TLN2: variants seen among roughly 807,000 people sequenced by gnomAD.
TLN2 encodes talin-2.
A neutral mutation model predicts 294.7 loss-of-function variants in TLN2; 118 were observed. The ratio of observed to expected loss-of-function variants is 0.40; its 90% CI spans 0.34 to 0.47. The LOEUF is 0.47. Ranked by LOEUF, TLN2 falls within the 20% of genes least tolerant of loss-of-function variation. The probability of loss-of-function intolerance (pLI) is 0.84; values close to 1 mark genes in which losing one functional copy is unlikely to be tolerated. For synonymous variants in TLN2, 1,431 were observed against 1,304.5 expected (o/e 1.10, Z -2.09); for missense variants, 3,083 against 3,282.2 (o/e 0.94, Z 1.48).
At chr15:62,561,381 T>A (rs2042943511) in intron 1 of TLN2, 1 of 152,138 alleles carries the variant, frequency 6.6e-6, no homozygotes, top group Non-Finnish European at 1.5e-5. Context: ...TTCCTCAAGC[T>A]CCCTCCTTAA....
chr15:62,703,650 C>CACACACAGAG (rs34685862), intron 19 of TLN2, among the ~76,000 whole-genome samples: 16 of 149,918 alleles, frequency 1.1e-4, no homozygotes, highest in African/African-American at 3.4e-4. Context: ...CACACACACA[C>CACACACAGAG]AGAGAAAGAG....
rs1373021517 is a variant in TLN2 at position 62,719,221 on chromosome 15, C to G, written c.2878-546C>G. ...CACTGCCTCACAGAATGCCGTGCCT[C>G]TCTCCTTTCCCCTGGCTTTGGGCTT... On this transcript the variant is annotated intron_variant, in intron 24 of 58. Transcript: ENST00000636159. Among the ~76,000 whole-genome samples, 5 of 152,214 alleles carry G rather than the reference C, an allele frequency of 3.3e-5. 1 individual carries two copies. In the South Asian group the frequency reaches 8.3e-4, roughly 25 times the overall value.
chr15:62,830,364 G>C (rs1296161962), intron 54 of TLN2: 1 of 152,588 alleles, frequency 6.6e-6, no homozygotes, highest in Non-Finnish European at 1.5e-5. Context: ...GCACCATGTT[G>C]TTCTTCTTAG....
Position 62,526,903 on chromosome 15 carries a change from G to A in TLN2, c.-237-62784G>A, listed in dbSNP as rs191964954. ...GTGAAGTACTAGCATTCACAAAAGT[G>A]AGGTGTATGTTTTGATATTGTAGCA... is the stretch of plus-strand genomic sequence containing the variant. On this transcript the variant is annotated intron_variant, in intron 1 of 58. Transcript: ENST00000636159. 3.9e-5 allele frequency among the ~76,000 whole-genome samples: 6 copies of A among 152,308 alleles called. No homozygotes were observed. The East Asian group carries it at 1.2e-3, about 29-fold the overall frequency.
intron 28 of TLN2, among the ~76,000 whole-genome samples, chr15:62,727,566 G>A (rs1369441050): frequency 1.3e-5 from 2 of 152,208 alleles, no homozygotes; most frequent in African/African-American, 2.4e-5. Flanking sequence ...AGACAGATGC[G>A]TGCTAATAGG....
At chr15:62,526,660 G>A (rs1357596296) in intron 1 of TLN2, among the ~76,000 whole-genome samples, 5 of 152,192 alleles carry the variant, frequency 3.3e-5, no homozygotes, top group Non-Finnish European at 5.9e-5. Flanking sequence ...TCAAACAGAA[G>A]CAAACATTTT....
At chr15:62,518,203 T>G (rs2040278419) in intron 1 of TLN2, among the ~76,000 whole-genome samples, 1 of 152,160 alleles carries the variant, frequency 6.6e-6, no homozygotes. Context: ...CACGTCCCGC[T>G]AGTTTTTGTA....
At chr15:62,748,517 G>C (rs754685105) in intron 33 of TLN2, 73 bp downstream of exon 33, 27 of 1,196,794 alleles carry the variant, frequency 2.3e-5, no homozygotes, top group Non-Finnish European at 3.3e-5. Context: ...GTGTCTGTCT[G>C]TCTATGTCTG....
chr15:62,807,105 G>T (rs1050099056), intron 51 of TLN2, among the ~76,000 whole-genome samples: 1 of 152,108 alleles, frequency 6.6e-6, no homozygotes, highest in Non-Finnish European at 1.5e-5. Flanking sequence ...CACACAGGAC[G>T]CAGGGCTTGC....
At position 62,741,298 on chromosome 15, in the gene TLN2, T is replaced by G. The variant is rs1214876401; in HGVS notation, c.4025+529T>G. Among the ~76,000 whole-genome samples, 13 of 152,342 alleles carry G rather than the reference T, an allele frequency of 8.5e-5. No homozygotes were observed. The East Asian group carries it at 2.5e-3, about 29-fold the overall frequency. ...GAGTAGGGAGGCAGTGGGAATAAAT[T>G]GTTTTTGGAAATATATTAAAACATG... On this transcript the variant is annotated intron_variant, in intron 32 of 58. Coordinates refer to ENST00000636159, the MANE Select transcript of TLN2 (RefSeq NM_015059.3).
chr15:62,740,915 C>T, intron 32 of TLN2, 146 bp downstream of exon 32: 1 of 993,880 alleles, frequency 1.0e-6, no homozygotes, highest in Non-Finnish European at 1.5e-6. Context: ...GAGTGATGGA[C>T]ACTCTGATAT....
intron 48 of TLN2, among the ~76,000 whole-genome samples, chr15:62,799,701 T>C (rs1490270244): frequency 6.6e-6 from 1 of 152,174 alleles, no homozygotes; most frequent in Admixed American, 6.5e-5. Flanking sequence ...ATAAAATAAT[T>C]CCACCTACTG....
chr15:62,705,005 G>C (rs768531131), intron 19 of TLN2, among the ~76,000 whole-genome samples: 1 of 152,236 alleles, frequency 6.6e-6, no homozygotes, highest in Non-Finnish European at 1.5e-5. Flanking sequence ...TAAGGAGAAA[G>C]TCACAATTCT....
At chr15:62,596,075 A>C (rs1164124631) in intron 2 of TLN2, among the ~76,000 whole-genome samples, 2 of 152,022 alleles carry the variant, frequency 1.3e-5, no homozygotes, top group Non-Finnish European at 2.9e-5. Flanking sequence ...GGAGATCGAG[A>C]CCATGGTGAA....
Position 62,840,720 on chromosome 15 carries a change from G to C in TLN2, c.*110G>C, listed in dbSNP as rs771990117. 1.4e-6 allele frequency: 2 copies of C among 1,451,194 alleles called. No individual in the cohort carries two copies. The highest frequency in any genetic ancestry group is 1.4e-5 in the African/African-American group (1 of 70,342). 89.9% of individuals were successfully genotyped at this position (1,451,194 alleles called of 1,614,324 possible). A position where few individuals can be genotyped will look rare whatever the true frequency, so the allele number is the denominator to read the frequency against. On this transcript the variant is annotated 3_prime_UTR_variant, in exon 59 of 59. Transcript: ENST00000636159. ...TGGAAACCGCCCACCTCCCTCCCGG[G>C]TGAGCCTGGAGCCCTGCGTGCTTGT...
In TLN2 at chr15:62,509,124, T is replaced by C. The variant is rs917330382; in HGVS notation, c.-237-80563T>C. On this transcript the variant is annotated intron_variant, in intron 1 of 58. Transcript: ENST00000636159. ...AGCCAGGGGTTGGACCAAGATGGTC[T>C]GGCTCTAGGATCTGTGATCTTAACC... Among the ~76,000 whole-genome samples, 3 of 152,236 alleles carry C rather than the reference T, an allele frequency of 2.0e-5. No individual in the cohort carries two copies. In the East Asian group the frequency reaches 5.8e-4, roughly 29 times the overall value.
intron 52 of TLN2, among the ~76,000 whole-genome samples, chr15:62,815,455 T>G (rs907700344): frequency 2.0e-5 from 3 of 152,202 alleles, no homozygotes; most frequent in Non-Finnish European, 2.9e-5. Flanking sequence ...GTCAGATAAT[T>G]GTTCATTTTT....
chr15:62,555,803 A>G (rs189982406), intron 1 of TLN2, among the ~76,000 whole-genome samples: 75 of 152,074 alleles, frequency 4.9e-4, no homozygotes, highest in African/African-American at 1.6e-3. Flanking sequence ...TTTGCTTTCT[A>G]TACTCTCCTG....
intron 2 of TLN2, among the ~76,000 whole-genome samples, chr15:62,592,346 C>G (rs2046142531): frequency 6.6e-6 from 1 of 152,102 alleles, no homozygotes; most frequent in African/African-American, 2.4e-5. Flanking sequence ...TCTGGGAAAC[C>G]CAAATGAAAT....
Sources: gnomAD v4.1 joint callset for allele counts (sites outside exome capture counted in the v4.1 genomes callset) on GRCh38, gnomAD v4.1.1 for gene constraint, MANE v1.5 for transcripts, NCBI Gene and HGNC (gene_info 2026-07-23, HGNC 2026-07-21) for gene names.